PSMC2: variants seen among roughly 807,000 people sequenced by gnomAD.
The protein encoded by PSMC2 is 26S proteasome regulatory subunit 7.
In PSMC2, 7 loss-of-function variants were observed where a neutral mutation model predicts 53.3. The ratio of observed to expected loss-of-function variants is 0.13; its 90% CI spans 0.07 to 0.25. The LOEUF is 0.25. Among genes scored for constraint, PSMC2 ranks in the 10% least tolerant of loss-of-function variants. PSMC2 has a pLI of 1.00. For synonymous variants in PSMC2, 169 were observed against 183.9 expected (o/e 0.92, Z 0.66); for missense variants, 241 against 544.0 (o/e 0.44, Z 5.54).
At position 103,347,772 on chromosome 7, in the gene PSMC2, C is replaced by A. The variant is rs1472260592; in HGVS notation, c.61C>A (p.Pro21Thr). ...KTKEDEKDDK[P>T]IRALDEGDIA... is the part of the protein sequence containing the mutation. ...CAAAGAGGATGAGAAGGACGACAAGCCCATCCGAGGTCAGTTGACATGGGC... is the reference window on the plus strand; with the variant it reads ...CAAAGAGGATGAGAAGGACGACAAGACCATCCGAGGTCAGTTGACATGGGC... Residue 21 changes from proline to threonine, a missense_variant, in exon 1 of 12, where the codon CCC becomes ACC. Around this residue, in one of 6 missense-constraint regions of PSMC2, gnomAD observed 70 missense variants for 57.9 expected, o/e 1.21. Transcript: ENST00000292644. 3 of 1,613,856 alleles carry A rather than the reference C, an allele frequency of 1.9e-6. No homozygotes were observed. The highest frequency in any genetic ancestry group is 1.7e-5 in the Admixed American group (1 of 60,022).
chr7:103,366,288 G>C (rs1452559503), intron 9 of PSMC2, 125 bp downstream of exon 9: 3 of 791,266 alleles, frequency 3.8e-6, no homozygotes, highest in Non-Finnish European at 6.2e-6. Flanking sequence ...CTCTGAAACA[G>C]TGGCGCCACA....
At chr7:103,350,717 C>A (rs1049039403) in intron 1 of PSMC2, among the ~76,000 whole-genome samples, 1 of 151,438 alleles carries the variant, frequency 6.6e-6, no homozygotes, top group Non-Finnish European at 1.5e-5. Flanking sequence ...AGACTGGTTT[C>A]AAATTCCTGG....
At chr7:103,365,701 G>A (rs539341434) in intron 8 of PSMC2, among the ~76,000 whole-genome samples, 4 of 152,056 alleles carry the variant, frequency 2.6e-5, no homozygotes, top group East Asian at 1.9e-4. Flanking sequence ...AGGCTGAGAC[G>A]GGTGGAACAT....
chr7:103,366,265 A>G, intron 9 of PSMC2, 102 bp downstream of exon 9: 2 of 1,011,968 alleles, frequency 2.0e-6, no homozygotes, highest in East Asian at 2.4e-5. Flanking sequence ...TTTAACTCCA[A>G]CTCTTCTATG....
At chr7:103,364,709 G>C (rs1044646511) in intron 8 of PSMC2, among the ~76,000 whole-genome samples, 4 of 151,868 alleles carry the variant, frequency 2.6e-5, no homozygotes, top group African/African-American at 9.7e-5. Flanking sequence ...CGCCCGGCCT[G>C]AGACCTGAAA....
intron 1 of PSMC2, among the ~76,000 whole-genome samples, chr7:103,352,182 G>T (rs1819759775): frequency 9.2e-6 from 1 of 108,704 alleles, no homozygotes. Flanking sequence ...TGTTACCTAA[G>T]CATGCTTTTT....
At chr7:103,355,859 T>G in intron 4 of PSMC2, 66 bp downstream of exon 4, 2 of 1,110,642 alleles carry the variant, frequency 1.8e-6, no homozygotes, top group East Asian at 4.8e-5. Flanking sequence ...TGTTAGAGTC[T>G]CAGGGATAAT....
intron 1 of PSMC2, among the ~76,000 whole-genome samples, chr7:103,350,217 A>T (rs1029181448): frequency 1.3e-5 from 2 of 152,080 alleles, no homozygotes; most frequent in Non-Finnish European, 2.9e-5. Flanking sequence ...GTTACAAGTC[A>T]TTTTCTTTTT....
At chr7:103,360,767 A>C (rs771558186) in intron 4 of PSMC2, among the ~76,000 whole-genome samples, 4 of 152,224 alleles carry the variant, frequency 2.6e-5, no homozygotes, top group Non-Finnish European at 5.9e-5. Context: ...GCATGGCATT[A>C]TAAATTCATT....
intron 4 of PSMC2, among the ~76,000 whole-genome samples, chr7:103,358,203 G>A (rs1414237226): frequency 6.6e-6 from 1 of 152,142 alleles, no homozygotes; most frequent in South Asian, 2.1e-4. Context: ...TTGCCTCCCA[G>A]TGTTACTCTG....
At chr7:103,366,807 C>CT (rs536853178) in intron 9 of PSMC2, among the ~76,000 whole-genome samples, 42 of 148,630 alleles carry the variant, frequency 2.8e-4, no homozygotes, top group East Asian at 9.8e-4. Flanking sequence ...GAAATCTAGA[C>CT]TTTTTTTTTT....
chr7:103,362,517 T>C, intron 5 of PSMC2, 169 bp from the exon 6 acceptor site: 2 of 1,405,698 alleles, frequency 1.4e-6, no homozygotes, highest in Non-Finnish European at 1.9e-6. Context: ...ATTAGACATG[T>C]AGTTTAGTAT....
At chr7:103,350,756 C>A (rs775403357) in intron 1 of PSMC2, among the ~76,000 whole-genome samples, 2 of 152,116 alleles carry the variant, frequency 1.3e-5, no homozygotes, top group Non-Finnish European at 1.5e-5. Context: ...CCTTGGCCAC[C>A]CAAAGTACTG....
intron 4 of PSMC2, among the ~76,000 whole-genome samples, chr7:103,359,496 G>A (rs10234196): frequency 0.012 from 1,810 of 151,952 alleles, 35 homozygotes; most frequent in African/African-American, 0.041. Context: ...CTTCATTCCC[G>A]TCTCTTTCCA....
At position 103,368,772 on chromosome 7, in the gene PSMC2, A is replaced by C. The variant is rs529859632; in HGVS notation, c.*718A>C. The C allele has an allele frequency of 2.0e-5, 3 of 152,344 alleles. No homozygotes were observed. The South Asian group carries it at 6.2e-4, about 32-fold the overall frequency. 9.4% of individuals were successfully genotyped at this position (152,344 alleles called of 1,614,324 possible). Reference sequence around the variant, plus strand: ...TAAAAAAAGAAAAAAAAATATTTGTACATATGATCTAATTTAGAAAGTCCA... The same window carrying C: ...TAAAAAAAGAAAAAAAAATATTTGTCCATATGATCTAATTTAGAAAGTCCA... On this transcript the variant is annotated 3_prime_UTR_variant, in exon 12 of 12. Coordinates refer to ENST00000292644, the MANE Select transcript of PSMC2 (RefSeq NM_002803.4).
rs376164420 is a variant in PSMC2, at chr7:103,364,211, A to T, written c.660A>T (p.Thr220=). The T allele has an allele frequency of 4.3e-6, 7 of 1,614,226 alleles. No individual in the cohort carries two copies. Among genetic ancestry groups the T allele is most frequent in the Non-Finnish European group, 5.9e-6 (7 of 1,180,036 alleles). Residue 220 remains threonine, a synonymous_variant, in exon 8 of 12, where the codon ACA becomes ACT. Coordinates refer to ENST00000292644, the MANE Select transcript of PSMC2 (RefSeq NM_002803.4). ...TGCTGCTCTTTGGTCCACCCGGTAC[A>T]GGCAAGACACTCTGTGCGCGGGCAG... The part of the protein sequence containing the change: ...KGVLLFGPPG[T]GKTLCARAVA...
chr7:103,355,145 TTAAGAAA>T (rs1191305366), intron 3 of PSMC2, among the ~76,000 whole-genome samples, 196 bp downstream of exon 3: 3 of 152,338 alleles, frequency 2.0e-5, no homozygotes, highest in Admixed American at 2.0e-4. Flanking sequence ...GCTTATGCAG[TTAAGAAA>T]TAAGAAATAG....
At chr7:103,353,871 T>G in intron 1 of PSMC2, 50 bp from the exon 2 acceptor site, 1 of 1,517,772 alleles carries the variant, frequency 6.6e-7, no homozygotes, top group South Asian at 1.2e-5. Flanking sequence ...TTTTAAAAAT[T>G]TTAATTCTAG....
intron 4 of PSMC2, among the ~76,000 whole-genome samples, chr7:103,359,138 C>CTTTTTTT (rs35936603): frequency 4.5e-4 from 14 of 31,330 alleles, no homozygotes; most frequent in East Asian, 1.5e-3. Context: ...CCATGTCTGG[C>CTTTTTTT]TTTTTTTTTT....
Sources: gnomAD v4.1 joint callset for allele counts (sites outside exome capture counted in the v4.1 genomes callset) on GRCh38, gnomAD v4.1.1 for gene constraint, gnomAD v4.1.1 regional missense constraint, MANE v1.5 for transcripts, NCBI Gene and HGNC (gene_info 2026-07-23, HGNC 2026-07-21) for gene names.